Variants in DCLRE1C observed in about 807,000 individuals in gnomAD.
DCLRE1C encodes the protein DNA cross-link repair 1C.
A neutral mutation model predicts 61.4 loss-of-function variants in DCLRE1C; 47 were observed. The observed-to-expected ratio is 0.77, with a 90% CI of 0.61 to 0.98. The LOEUF (loss-of-function observed/expected upper bound fraction) is 0.98, where lower values mean the gene tolerates loss of function less well. Among genes scored for constraint, DCLRE1C ranks in the 50% least tolerant of loss-of-function variants. DCLRE1C has a pLI of 0.00. For missense variants in DCLRE1C, 858 were observed against 816.0 expected, an observed-to-expected ratio of 1.05 and a Z score of -0.63; for synonymous variants, 337 against 287.6, an observed-to-expected ratio of 1.17 and a Z score of -1.74.
chr10:14,924,558 A>G (rs1415220643), intron 11 of DCLRE1C, among the ~76,000 whole-genome samples: 1 of 152,138 alleles, frequency 6.6e-6, no homozygotes, highest in Non-Finnish European at 1.5e-5. Context: ...CAGTCAATAA[A>G]ATCATCCAGG....
intron 13 of DCLRE1C, among the ~76,000 whole-genome samples, chr10:14,909,942 A>G (rs1422343196): frequency 6.6e-6 from 1 of 152,264 alleles, no homozygotes; most frequent in Non-Finnish European, 1.5e-5. Context: ...TGCTGTGTCA[A>G]CAAATGTTCT....
rs760789521 is a variant in DCLRE1C at position 14,928,042 on chromosome 10, C to T, written c.891G>A (p.Arg297=). 1 of 1,613,856 alleles carries T rather than the reference C, an allele frequency of 6.2e-7. No homozygotes were observed. The highest frequency in any genetic ancestry group is 1.3e-5 in the African/African-American group (1 of 75,000). ...IKPSTMWFGE[R]SRKTNVIVRT... is the part of the protein sequence containing the mutation. ...TCACAATTACATTTGTTTTTCTGCTCCTTTCTCCAAACCACATGGTGGATG... is the reference window on the plus strand; with the variant it reads ...TCACAATTACATTTGTTTTTCTGCTTCTTTCTCCAAACCACATGGTGGATG... Residue 297 remains arginine, a synonymous_variant, in exon 10 of 14, where the codon AGG becomes AGA. Coordinates refer to ENST00000378278, the MANE Select transcript of DCLRE1C (RefSeq NM_001033855.3).
Position 14,908,412 on chromosome 10 carries a change from G to A in DCLRE1C, c.2075C>T (p.Thr692Ile). The A allele has an allele frequency of 1.2e-6, 2 of 1,607,310 alleles. No individual in the cohort carries two copies. Among genetic ancestry groups the A allele is most frequent in the South Asian group, 2.2e-5 (2 of 90,936 alleles). ...AGGTTGAAACGCTTTGAATTCTTAG[G>A]TATCTAAGAGTGAGCATTTTCTTTT... ...VKKRKCSLLDT is the reference protein window; with the variant it reads ...VKKRKCSLLDI The change falls in exon 14 of 14, where the codon ACC becomes ATC. Residue 692 changes from threonine to isoleucine, a missense_variant. By Grantham distance (89) the Thr-to-Ile change is moderately conservative. Transcript: ENST00000378278.
At chr10:14,923,685 C>G (rs1271714800) in intron 11 of DCLRE1C, 3 of 154,268 alleles carry the variant, frequency 1.9e-5, no homozygotes, top group African/African-American at 7.2e-5. Flanking sequence ...TACCAATAAT[C>G]ATTAACGATG....
rs374596045 is a variant in DCLRE1C at position 14,932,897 on chromosome 10, G to A, written c.737C>T (p.Thr246Ile). Residue 246 changes from threonine to isoleucine, a missense_variant, in exon 9 of 14, where the codon ACA becomes ATA. This residue lies in a region of DCLRE1C where 843 missense variants were observed against 783.5 expected (regional missense o/e 1.08). Coordinates refer to ENST00000378278, the MANE Select transcript of DCLRE1C (RefSeq NM_001033855.3). ...RNMPEILHHL[T>I]TDRNTQIHAC... ...ATGGATCTGAGTGTTGCGGTCTGTT[G>A]TGAGATGATGAAGGATCTCAGGCAT... 2.8e-5 allele frequency: 46 copies of A among 1,614,226 alleles called. 1 individual carries two copies. The Middle Eastern group carries it at 8.2e-4, about 29-fold the overall frequency.
At chr10:14,899,755 A>G (rs1331080591), downstream of DCLRE1C, 7 of 1,534,842 alleles carry the variant, frequency 4.6e-6, no homozygotes, top group Admixed American at 3.9e-5. Flanking sequence ...ATAGCTAAAG[A>G]ATAATTCCCT....
In DCLRE1C at chr10:14,905,533, C is replaced by A. The variant is rs1834320231; in HGVS notation, c.*2875G>T. Reference sequence around the variant, plus strand: ...TAAGATAATGTCAACATGCCAAGATCACCCAGTGAACTTTTTAAAGTATTT... The same window carrying A: ...TAAGATAATGTCAACATGCCAAGATAACCCAGTGAACTTTTTAAAGTATTT... On this transcript the variant is annotated 3_prime_UTR_variant, in exon 14 of 14. Transcript: ENST00000378278. Among the ~76,000 whole-genome samples the A allele has an allele frequency of 6.6e-6, 1 of 152,216 alleles. No homozygotes were observed. Among genetic ancestry groups the A allele is most frequent in the Non-Finnish European group, 1.5e-5 (1 of 68,034 alleles).
chr10:14,917,387 T>C (rs559176610), intron 13 of DCLRE1C, among the ~76,000 whole-genome samples: 2 of 152,188 alleles, frequency 1.3e-5, no homozygotes, highest in Non-Finnish European at 2.9e-5. Context: ...ATAAGTTCAC[T>C]TAAAATTTAA....
exon 14 of DCLRE1C, chr10:14,898,486 A>G (rs916564420): frequency 1.3e-5 from 2 of 152,072 alleles, no homozygotes; most frequent in African/African-American, 2.4e-5. Flanking sequence ...GTATTCATCT[A>G]TAATTCTGAA....
chr10:14,923,951 T>C (rs1282704659), intron 11 of DCLRE1C, among the ~76,000 whole-genome samples: 3 of 152,198 alleles, frequency 2.0e-5, no homozygotes, highest in Admixed American at 6.5e-5. Context: ...TGTCTCTCCC[T>C]GCAGCCAACA....
downstream of DCLRE1C, among the ~76,000 whole-genome samples, chr10:14,901,812 G>A (rs34345306): frequency 6.0e-3 from 900 of 151,238 alleles, 1 homozygote; most frequent in Non-Finnish European, 0.01. Context: ...CAGCCTGGAC[G>A]ACAGAGACCC....
At chr10:14,935,248 C>G (rs937858365) in intron 6 of DCLRE1C, among the ~76,000 whole-genome samples, 4 of 151,938 alleles carry the variant, frequency 2.6e-5, no homozygotes, top group African/African-American at 9.7e-5. Context: ...GGGCAGATCA[C>G]CTGAAGTCAG....
intron 1 of DCLRE1C, 67 bp downstream of exon 1, chr10:14,953,835 G>C (rs1842813288): frequency 1.2e-6 from 2 of 1,600,462 alleles, no homozygotes; most frequent in Non-Finnish European, 1.7e-6. Flanking sequence ...CTCCAGGGCC[G>C]GCCCCCTCCT....
chr10:14,928,999 C>T (rs979971681), intron 9 of DCLRE1C, among the ~76,000 whole-genome samples: 1 of 152,078 alleles, frequency 6.6e-6, no homozygotes, highest in African/African-American at 2.4e-5. Context: ...GGGCTGGTCT[C>T]GAACTCCTGA....
chr10:14,933,258 T>G (rs1839324998), intron 8 of DCLRE1C, among the ~76,000 whole-genome samples: 2 of 152,216 alleles, frequency 1.3e-5, no homozygotes, highest in African/African-American at 4.8e-5. Flanking sequence ...TCAGTTAATA[T>G]TCCTCGTACA....
intron 3 of DCLRE1C, among the ~76,000 whole-genome samples, 194 bp downstream of exon 3, chr10:14,944,911 G>C (rs146119689): frequency 0.015 from 2,221 of 151,984 alleles, 21 homozygotes; most frequent in South Asian, 0.031. Context: ...CTGACCTCAA[G>C]TGATCCATCC....
At chr10:14,951,524 T>G (rs7095979) in intron 1 of DCLRE1C, among the ~76,000 whole-genome samples, 1,922 of 151,916 alleles carry the variant, frequency 0.013, 34 homozygotes, top group African/African-American at 0.045. Context: ...ATACCATAGT[T>G]GGCCTTCACA....
At chr10:14,928,877 G>T (rs1838491460) in intron 9 of DCLRE1C, among the ~76,000 whole-genome samples, 2 of 151,456 alleles carry the variant, frequency 1.3e-5, no homozygotes, top group Non-Finnish European at 2.9e-5. Flanking sequence ...CTGCCTTCTG[G>T]GTTCAAGCAA....
intron 13 of DCLRE1C, among the ~76,000 whole-genome samples, chr10:14,916,852 T>G (rs903081181): frequency 1.3e-5 from 2 of 152,196 alleles, no homozygotes; most frequent in Non-Finnish European, 2.9e-5. Context: ...ATCAACAGAT[T>G]TAAAACAATC....
Sources: allele counts gnomAD v4.1 joint callset (sites outside exome capture counted in the v4.1 genomes callset), GRCh38; gene constraint gnomAD v4.1.1; regional missense constraint gnomAD v4.1.1; transcripts MANE v1.5; gene names NCBI Gene and HGNC (gene_info 2026-07-23, HGNC 2026-07-21).